NRXN1: variants seen among roughly 807,000 people sequenced by gnomAD.
The protein encoded by NRXN1 is neurexin 1.
In NRXN1, 39 loss-of-function variants were observed where a neutral mutation model predicts 150.9. The ratio of observed to expected loss-of-function variants is 0.26; its 90% CI spans 0.20 to 0.34. The LOEUF (loss-of-function observed/expected upper bound fraction) is 0.34. NRXN1 is among the 10% of genes least tolerant of loss of function. The probability of loss-of-function intolerance (pLI) is 1.00; values close to 1 mark genes in which losing one functional copy is unlikely to be tolerated. For missense variants in NRXN1, 1,815 were observed against 1,949.9 expected, an observed-to-expected ratio of 0.93 and a Z score of 1.30; for synonymous variants, 924 against 757.0, an observed-to-expected ratio of 1.22 and a Z score of -3.62.
At position 50,254,303 on chromosome 2, in the gene NRXN1, CT is replaced by C. The variant is rs3080643; in HGVS notation, c.3365-17334del. Among the ~76,000 whole-genome samples, 40 of 149,546 alleles carry C rather than the reference CT, an allele frequency of 2.7e-4. 2 individuals are homozygous for C. The highest frequency in any genetic ancestry group is 1.1e-3 in the Admixed American group (16 of 15,028). On this transcript the variant is annotated intron_variant, in intron 17 of 22. Transcript: ENST00000401669. ...TATTGTGTCAATTTGATTATTTTCTCTTTTTTTTTATTAGTCTAGCTATCAG... is the reference window on the plus strand; with the variant it reads ...TATTGTGTCAATTTGATTATTTTCTCTTTTTTTTATTAGTCTAGCTATCAG...
chr2:50,414,389 T>G (rs941862874), intron 17 of NRXN1, among the ~76,000 whole-genome samples: 1 of 152,120 alleles, frequency 6.6e-6, no homozygotes, highest in African/African-American at 2.4e-5. Context: ...ATACCTTTTT[T>G]GGGGGAATAT....
At chr2:50,108,902 C>T (rs1035897613) in intron 18 of NRXN1, among the ~76,000 whole-genome samples, 11 of 151,948 alleles carry the variant, frequency 7.2e-5, no homozygotes, top group South Asian at 2.1e-4. Context: ...TGCTGTAAAC[C>T]GAAACCACAC....
intron 13 of NRXN1, among the ~76,000 whole-genome samples, chr2:50,503,335 GA>G (rs2104970023): frequency 6.7e-6 from 1 of 150,258 alleles, no homozygotes; most frequent in South Asian, 2.1e-4. Context: ...AAGAAAGAAA[GA>G]AAAAAATAAG....
At chr2:50,797,158 G>A (rs537368408) in intron 5 of NRXN1, among the ~76,000 whole-genome samples, 1 of 152,266 alleles carries the variant, frequency 6.6e-6, no homozygotes, top group East Asian at 1.9e-4. Flanking sequence ...ACAATATTCA[G>A]ATCATAGCAA....
chr2:50,247,260 A>G (rs1468794375), intron 17 of NRXN1, among the ~76,000 whole-genome samples: 1 of 152,140 alleles, frequency 6.6e-6, no homozygotes, highest in Non-Finnish European at 1.5e-5. Context: ...GGGACTCCTC[A>G]ACCTGGTAAT....
At chr2:50,781,901 T>G (rs1704401527) in intron 5 of NRXN1, among the ~76,000 whole-genome samples, 1 of 152,206 alleles carries the variant, frequency 6.6e-6, no homozygotes, top group Non-Finnish European at 1.5e-5. Flanking sequence ...GGCTATTAAC[T>G]CCATCCTCAC....
At chr2:50,579,156 T>C (rs1671874686) in intron 8 of NRXN1, among the ~76,000 whole-genome samples, 1 of 152,246 alleles carries the variant, frequency 6.6e-6, no homozygotes, top group Non-Finnish European at 1.5e-5. Context: ...ATGAGGCGTC[T>C]TGTTTTGCAC....
intron 5 of NRXN1, among the ~76,000 whole-genome samples, chr2:50,880,440 C>A (rs1679268629): frequency 6.6e-6 from 1 of 151,932 alleles, no homozygotes; most frequent in African/African-American, 2.4e-5. Flanking sequence ...ACATGTCAAT[C>A]TTCACAATTT....
At chr2:50,511,354 G>A (rs1558859186) in intron 12 of NRXN1, among the ~76,000 whole-genome samples, 1 of 152,168 alleles carries the variant, frequency 6.6e-6, no homozygotes, top group Non-Finnish European at 1.5e-5. Flanking sequence ...AGTGCGCCCA[G>A]CCCTAACAAA....
intron 17 of NRXN1, among the ~76,000 whole-genome samples, chr2:50,305,393 A>G (rs2074522861): frequency 6.6e-6 from 1 of 152,196 alleles, no homozygotes; most frequent in South Asian, 2.1e-4. Flanking sequence ...TAGCCATTTA[A>G]TTTTGTAAAC....
intron 5 of NRXN1, among the ~76,000 whole-genome samples, chr2:50,883,870 C>T (rs1679825002): frequency 6.6e-6 from 1 of 151,754 alleles, no homozygotes; most frequent in African/African-American, 2.4e-5. Context: ...ATCAGGCAAA[C>T]TAATCTACTT....
rs768654149 is a variant in NRXN1, at chr2:50,562,989, G to A, written c.1321-9964C>T. Reference sequence around the variant, plus strand: ...CATTATAAACATCTCATGTAATTTCGCACGTTTTTTCCTTATGAAGATCCG... The same window carrying A: ...CATTATAAACATCTCATGTAATTTCACACGTTTTTTCCTTATGAAGATCCG... On this transcript the variant is annotated intron_variant, in intron 8 of 22. Coordinates refer to ENST00000401669, the MANE Select transcript of NRXN1 (RefSeq NM_001330078.2). Among the ~76,000 whole-genome samples the A allele has an allele frequency of 9.3e-4, 141 of 151,764 alleles. 1 individual carries two copies. The highest frequency in any genetic ancestry group is 5.1e-3 in the Admixed American group (77 of 15,242).
chr2:50,795,794 A>G (rs1276245479), intron 5 of NRXN1, among the ~76,000 whole-genome samples: 2 of 152,014 alleles, frequency 1.3e-5, no homozygotes, highest in African/African-American at 4.8e-5. Flanking sequence ...GTGTATCCCT[A>G]TGGTGCATGG....
In NRXN1 at chr2:50,691,609, G is replaced by A. The variant is rs560105311; in HGVS notation, c.833-67994C>T. On this transcript the variant is annotated intron_variant, in intron 5 of 22. Coordinates refer to ENST00000401669, the MANE Select transcript of NRXN1 (RefSeq NM_001330078.2). The stretch of plus-strand genomic sequence containing the variant: ...CTATTGTTTTACGATCAGAGTTGCT[G>A]CTTTTGCAGTGCAGAACAATGCTGC... 1.5e-3 allele frequency among the ~76,000 whole-genome samples: 233 copies of A among 152,256 alleles called. 1 individual carries two copies. The highest frequency in any genetic ancestry group is 2.5e-3 in the Non-Finnish European group (173 of 68,026).
chr2:50,799,245 A>T (rs908434495), intron 5 of NRXN1, among the ~76,000 whole-genome samples: 7 of 152,240 alleles, frequency 4.6e-5, no homozygotes, highest in Non-Finnish European at 8.8e-5. Flanking sequence ...CCATGAAGAC[A>T]TATTAAGTTT....
chr2:50,117,964 C>T (rs1703293732), intron 18 of NRXN1, among the ~76,000 whole-genome samples: 1 of 152,004 alleles, frequency 6.6e-6, no homozygotes, highest in Non-Finnish European at 1.5e-5. Flanking sequence ...AATTTTTGTT[C>T]TATGTCTATG....
At position 50,555,679 on chromosome 2, in the gene NRXN1, T is replaced by G. The variant is rs1244182511; in HGVS notation, c.1321-2654A>C. Among the ~76,000 whole-genome samples, 3 of 152,186 alleles carry G rather than the reference T, an allele frequency of 2.0e-5. No individual in the cohort carries two copies. In the East Asian group the frequency reaches 5.8e-4, roughly 29 times the overall value. On this transcript the variant is annotated intron_variant, in intron 8 of 22. Transcript: ENST00000401669. ...CTTCCTTCACCTTTTTAAACCTAGTTTCTAGATTATAGGCTTTTGTAAATA... is the reference window on the plus strand; with the variant it reads ...CTTCCTTCACCTTTTTAAACCTAGTGTCTAGATTATAGGCTTTTGTAAATA...
In NRXN1 at chr2:50,268,727, G is replaced by A. The variant is rs1477738815; in HGVS notation, c.3365-31757C>T. Among the ~76,000 whole-genome samples, 5 of 152,216 alleles carry A rather than the reference G, an allele frequency of 3.3e-5. No individual in the cohort carries two copies. The East Asian group carries it at 5.8e-4, about 18-fold the overall frequency. ...GAGATCTTTGCTTTTCAATTGATTC[G>A]TGTTATCTTTGTCTTACCTCCCAAT... On this transcript the variant is annotated intron_variant, in intron 17 of 22. Coordinates refer to ENST00000401669, the MANE Select transcript of NRXN1 (RefSeq NM_001330078.2).
chr2:51,001,435 C>A (rs1364625366), intron 2 of NRXN1, among the ~76,000 whole-genome samples: 1 of 151,792 alleles, frequency 6.6e-6, no homozygotes, highest in Non-Finnish European at 1.5e-5. Flanking sequence ...AAGTTAATTT[C>A]ATTATTGCAC....
Sources: gnomAD v4.1 joint callset for allele counts (sites outside exome capture counted in the v4.1 genomes callset) on GRCh38, gnomAD v4.1.1 for gene constraint, MANE v1.5 for transcripts, NCBI Gene and HGNC (gene_info 2026-07-23, HGNC 2026-07-21) for gene names.